Variants in DHRSX observed in about 807,000 individuals in gnomAD.
DHRSX encodes the protein dehydrogenase/reductase X-linked.
In DHRSX, 31 loss-of-function variants were observed where a neutral mutation model predicts 34.0. The ratio of observed to expected loss-of-function variants is 0.91; its 90% CI spans 0.69 to 1.23. The LOEUF is 1.23. Among genes scored for constraint, DHRSX ranks in the 50% most tolerant of loss-of-function variants. The pLI is 0.00. For synonymous variants in DHRSX, 201 were observed against 183.8 expected, an observed-to-expected ratio of 1.09 and a Z score of -0.76; for missense variants, 414 against 428.1, an observed-to-expected ratio of 0.97 and a Z score of 0.29.
chrX:2,225,087 A>G (rs2015618676), intron 6 of DHRSX, among the ~76,000 whole-genome samples: 1 of 148,884 alleles, frequency 6.7e-6, no homozygotes, highest in Non-Finnish European at 1.5e-5. Flanking sequence ...ATGCTCACTC[A>G]TTCACATGCA....
chrX:2,313,395 G>T (rs1419577948), intron 3 of DHRSX, among the ~76,000 whole-genome samples: 1 of 148,816 alleles, frequency 6.7e-6, no homozygotes, highest in Non-Finnish European at 1.5e-5. Context: ...TTGAGATGTA[G>T]TCTCGCTCTG....
intron 3 of DHRSX, among the ~76,000 whole-genome samples, chrX:2,404,901 C>T (rs1219191218): frequency 6.6e-6 from 1 of 152,226 alleles, no homozygotes; most frequent in Admixed American, 6.5e-5. Context: ...AGAAACCAAT[C>T]CTTTTGCCCC....
At chrX:2,238,459 A>C (rs764109014) in intron 6 of DHRSX, among the ~76,000 whole-genome samples, 77 of 152,284 alleles carry the variant, frequency 5.1e-4, no homozygotes, top group African/African-American at 1.3e-3. Flanking sequence ...CTGATGAGAC[A>C]GAGGATAGAG....
In DHRSX at chrX:2,485,872, G is replaced by A. The variant is rs988005589; in HGVS notation, c.109+14945C>T. Among the ~76,000 whole-genome samples, 38 of 137,238 alleles carry A rather than the reference G, an allele frequency of 2.8e-4. 3 individuals carry two copies. Among genetic ancestry groups the A allele is most frequent in the African/African-American group, 9.6e-4 (37 of 38,662 alleles). The allele number at this position is 137,238 out of a possible 152,430, so 90.0% of individuals were successfully genotyped here. ...AGAGAAAGAAAGAAGGGAAGGGAGG[G>A]AAGGAAGGGAGAGAAGAAGAGACAA... On this transcript the variant is annotated intron_variant, in intron 1 of 6. Transcript: ENST00000334651.
At chrX:2,433,576 T>G (rs920891765) in intron 1 of DHRSX, among the ~76,000 whole-genome samples, 56 of 152,116 alleles carry the variant, frequency 3.7e-4, no homozygotes, top group South Asian at 1.2e-3. Flanking sequence ...CCCAGCAGGT[T>G]CTGGTGTGTG....
chrX:2,243,736 G>A (rs938859090), intron 5 of DHRSX, among the ~76,000 whole-genome samples: 5 of 140,550 alleles, frequency 3.6e-5, no homozygotes, highest in Non-Finnish European at 4.5e-5. Flanking sequence ...TTATCCACCC[G>A]CTTCAGCCTC....
At position 2,482,701 on chromosome X, in the gene DHRSX, A is replaced by G. The variant is rs1274598187; in HGVS notation, c.109+18116T>C. Among the ~76,000 whole-genome samples, 4 of 152,242 alleles carry G rather than the reference A, an allele frequency of 2.6e-5. No individual in the cohort carries two copies. The East Asian group carries it at 5.8e-4, about 22-fold the overall frequency. On this transcript the variant is annotated intron_variant, in intron 1 of 6. Transcript: ENST00000334651. ...AGCTTGTGGATACAGTTTTGGAAGC[A>G]ATTTAAATTCTAGAAATCCTGCAGT...
chrX:2,436,389 G>C (rs1431807123), intron 1 of DHRSX, among the ~76,000 whole-genome samples: 1 of 151,344 alleles, frequency 6.6e-6, no homozygotes, highest in Non-Finnish European at 1.5e-5. Flanking sequence ...TACAGGTGTT[G>C]AGTTTTTGTT....
intron 3 of DHRSX, among the ~76,000 whole-genome samples, chrX:2,358,700 GAAGTT>G (rs2042888669): frequency 6.6e-6 from 1 of 152,192 alleles, no homozygotes; most frequent in African/African-American, 2.4e-5. Flanking sequence ...GAGGCTTAGA[GAAGTT>G]AACTAAATTG....
intron 1 of DHRSX, among the ~76,000 whole-genome samples, chrX:2,452,497 G>A (rs938761091): frequency 2.0e-5 from 3 of 151,918 alleles, no homozygotes; most frequent in South Asian, 2.1e-4. Flanking sequence ...CTAACCATGC[G>A]CCCAAGGGAC....
chrX:2,285,780 A>G (rs1164745177), intron 4 of DHRSX, among the ~76,000 whole-genome samples: 1 of 152,156 alleles, frequency 6.6e-6, no homozygotes, highest in African/African-American at 2.4e-5. Context: ...CAAACATACA[A>G]TCCAGCAATC....
chrX:2,426,443 C>T (rs911468400), intron 1 of DHRSX, among the ~76,000 whole-genome samples: 1 of 145,134 alleles, frequency 6.9e-6, no homozygotes, highest in Non-Finnish European at 1.5e-5. Flanking sequence ...TCATTCTTTC[C>T]TTCCCTCCCT....
chrX:2,370,860 C>G (rs1350986208), intron 3 of DHRSX, among the ~76,000 whole-genome samples: 2 of 152,164 alleles, frequency 1.3e-5, no homozygotes, highest in Admixed American at 1.3e-4. Flanking sequence ...TCCTTAGGAC[C>G]TGCTCAAAAT....
chrX:2,324,791 T>C lies in DHRSX; in HGVS notation c.287-33188A>G, dbSNP rs1413973510. Among the ~76,000 whole-genome samples the C allele has an allele frequency of 3.5e-5, 5 of 144,290 alleles. No homozygotes were observed. In the Admixed American group the frequency reaches 3.5e-4, roughly 10 times the overall value. 94.7% of individuals were successfully genotyped at this position (144,290 alleles called of 152,430 possible). A position where few individuals can be genotyped will look rare whatever the true frequency, so the allele number is the denominator to read the frequency against. Reference sequence around the variant, plus strand: ...TTTCTTTTTTTTTTTTTTTTTGAGATGGAGTCCCGCTCTGTCGCCCAGGCT... The same window carrying C: ...TTTCTTTTTTTTTTTTTTTTTGAGACGGAGTCCCGCTCTGTCGCCCAGGCT... On this transcript the variant is annotated intron_variant, in intron 3 of 6. Transcript: ENST00000334651.
chrX:2,324,728 CAGTA>C (rs1466803818), intron 3 of DHRSX, among the ~76,000 whole-genome samples: 1 of 149,648 alleles, frequency 6.7e-6, no homozygotes, highest in East Asian at 1.9e-4. Context: ...CTTAGGCAGA[CAGTA>C]AGGGTATGGG....
intron 1 of DHRSX, among the ~76,000 whole-genome samples, chrX:2,449,901 G>C (rs907550245): frequency 2.6e-5 from 4 of 152,112 alleles, no homozygotes; most frequent in Non-Finnish European, 5.9e-5. Flanking sequence ...CTAAAGTGCT[G>C]GGATTACGGG....
chrX:2,457,676 A>C (rs1427097672), intron 1 of DHRSX, among the ~76,000 whole-genome samples: 3 of 150,518 alleles, frequency 2.0e-5, no homozygotes, highest in African/African-American at 4.9e-5. Flanking sequence ...TCCCCTAAGC[A>C]TGTGGTTAAA....
At chrX:2,298,737 G>C (rs1019819906) in intron 3 of DHRSX, among the ~76,000 whole-genome samples, 32 of 151,870 alleles carry the variant, frequency 2.1e-4, no homozygotes, top group African/African-American at 7.5e-4. Context: ...TGTATTCCCA[G>C]CACTTTGGGA....
chrX:2,461,789 T>C (rs1452898879), intron 1 of DHRSX, among the ~76,000 whole-genome samples: 49 of 152,144 alleles, frequency 3.2e-4, no homozygotes, highest in Admixed American at 3.2e-3. Flanking sequence ...AGCCTCCAAC[T>C]CCCACGCTCA....
Sources: allele counts gnomAD v4.1 joint callset (sites outside exome capture counted in the v4.1 genomes callset), GRCh38; gene constraint gnomAD v4.1.1; transcripts MANE v1.5; gene names NCBI Gene and HGNC (gene_info 2026-07-23, HGNC 2026-07-21).